Variants in NFIB observed in about 807,000 individuals in gnomAD.
NFIB encodes the protein nuclear factor I B, also known as nuclear factor 1 B-type.
Under a neutral mutation model 61.5 loss-of-function variants are expected in NFIB, and 11 were observed. The ratio of observed to expected loss-of-function variants is 0.18; its 90% CI spans 0.11 to 0.30. NFIB has a LOEUF of 0.30. NFIB is among the 10% of genes least tolerant of loss of function. The pLI, the probability that NFIB is intolerant of heterozygous loss-of-function variation, is 1.00. For synonymous variants in NFIB, 260 were observed against 216.5 expected (o/e 1.20, Z -1.76); for missense variants, 471 against 608.9 (o/e 0.77, Z 2.38).
At chr9:14,304,734 G>A (rs1451244630) in intron 2 of NFIB, among the ~76,000 whole-genome samples, 1 of 152,158 alleles carries the variant, frequency 6.6e-6, no homozygotes, top group Non-Finnish European at 1.5e-5. Flanking sequence ...GTACTTAGAA[G>A]ACAAATAAAA....
At chr9:14,341,255 T>G (rs1421676671) in intron 1 of NFIB, among the ~76,000 whole-genome samples, 1 of 152,062 alleles carries the variant, frequency 6.6e-6, no homozygotes, top group Non-Finnish European at 1.5e-5. Context: ...GAATTTAGAG[T>G]ACCCGTGCTT....
the NFIB span, among the ~76,000 whole-genome samples, chr9:14,427,948 T>TGTTTTTTG: frequency 9.6e-6 from 1 of 104,034 alleles, no homozygotes; most frequent in African/African-American, 3.7e-5. Context: ...TTTTTTTTTT[T>TGTTTTTTG]TTTTTTTTTT....
At chr9:14,519,249 G>A in the NFIB span, among the ~76,000 whole-genome samples, 1 of 152,150 alleles carries the variant, frequency 6.6e-6, no homozygotes, top group South Asian at 2.1e-4. Context: ...CTTGTATAAG[G>A]ATATTGAGTG....
At position 14,202,128 on chromosome 9, in the gene NFIB, TCACACA is replaced by T. The variant is rs3080833; in HGVS notation, c.563-22354_563-22349del. On this transcript the variant is annotated intron_variant, in intron 2 of 10. Coordinates refer to ENST00000380953, the MANE Select transcript of NFIB (RefSeq NM_001190737.2). ...ATTTTGAAGATAAAATTGATACTTT[TCACACA>T]CACACACACACACACACACACACAC... Among the ~76,000 whole-genome samples the T allele has an allele frequency of 4.7e-3, 696 of 147,172 alleles. 1 individual carries two copies. Among genetic ancestry groups the T allele is most frequent in the African/African-American group, 5.9e-3 (234 of 39,942 alleles).
intron 6 of NFIB, among the ~76,000 whole-genome samples, chr9:14,137,872 A>C (rs2041245254): frequency 6.6e-6 from 1 of 152,166 alleles, no homozygotes; most frequent in South Asian, 2.1e-4. Context: ...CAGAGCAAGG[A>C]CTACATGCAT....
chr9:14,152,554 T>C (rs1373538405), intron 4 of NFIB, among the ~76,000 whole-genome samples: 2 of 152,062 alleles, frequency 1.3e-5, no homozygotes, highest in Admixed American at 6.6e-5. Flanking sequence ...ACAGGAAACT[T>C]AGAGGTTCCA....
At chr9:14,119,636 G>A (rs1192022263) in intron 8 of NFIB, among the ~76,000 whole-genome samples, 2 of 152,146 alleles carry the variant, frequency 1.3e-5, no homozygotes, top group African/African-American at 4.8e-5. Context: ...AAGTGGACAG[G>A]AGTCTTAGAG....
chr9:14,205,104 C>T (rs2131664465), intron 2 of NFIB: 1 of 163,954 alleles, frequency 6.1e-6, no homozygotes, highest in East Asian at 1.7e-4. Flanking sequence ...CAAAAAACAT[C>T]TGAGGAATTA....
intron 1 of NFIB, among the ~76,000 whole-genome samples, chr9:14,389,162 A>G (rs931110812): frequency 1.3e-5 from 2 of 152,204 alleles, no homozygotes; most frequent in Non-Finnish European, 2.9e-5. Flanking sequence ...TGTGAACACA[A>G]TTGTGTGTAA....
At chr9:14,474,990 T>C in the NFIB span, among the ~76,000 whole-genome samples, 1 of 152,174 alleles carries the variant, frequency 6.6e-6, no homozygotes, top group Non-Finnish European at 1.5e-5. Context: ...TCAGTGAGGG[T>C]GATCTTCTTT....
At chr9:14,371,228 T>G (rs2061355270) in intron 1 of NFIB, among the ~76,000 whole-genome samples, 1 of 152,266 alleles carries the variant, frequency 6.6e-6, no homozygotes, top group African/African-American at 2.4e-5. Flanking sequence ...TCTCTGGAAC[T>G]TTTCATATCT....
the NFIB span, among the ~76,000 whole-genome samples, chr9:14,441,359 G>A: frequency 3.3e-5 from 5 of 152,178 alleles, no homozygotes; most frequent in Non-Finnish European, 5.9e-5. Flanking sequence ...GTGGGTCTGC[G>A]CCGATTTTAA....
At chr9:14,218,306 G>A (rs1469943544) in intron 2 of NFIB, among the ~76,000 whole-genome samples, 3 of 152,086 alleles carry the variant, frequency 2.0e-5, no homozygotes, top group Non-Finnish European at 4.4e-5. Context: ...ATACTCAAGA[G>A]TCTGACTCCA....
chr9:14,220,148 G>T (rs2051465525), intron 2 of NFIB, among the ~76,000 whole-genome samples: 1 of 152,166 alleles, frequency 6.6e-6, no homozygotes, highest in Non-Finnish European at 1.5e-5. Context: ...TGGAGAGAAA[G>T]CAAAATCAGG....
the NFIB span, among the ~76,000 whole-genome samples, chr9:14,491,987 A>G: frequency 6.6e-6 from 1 of 152,186 alleles, no homozygotes; most frequent in Non-Finnish European, 1.5e-5. Flanking sequence ...CATTTAAGTT[A>G]TTCTTCCCTG....
At chr9:14,208,594 A>G (rs1166795933) in intron 2 of NFIB, among the ~76,000 whole-genome samples, 3 of 151,170 alleles carry the variant, frequency 2.0e-5, no homozygotes, top group African/African-American at 7.3e-5. Context: ...GACTCTTCAC[A>G]AGTACTTTTG....
intron 2 of NFIB, among the ~76,000 whole-genome samples, chr9:14,188,677 C>T (rs148940057): frequency 1.7e-4 from 26 of 152,292 alleles, no homozygotes; most frequent in African/African-American, 5.8e-4. Flanking sequence ...AATTTGCCAA[C>T]GCAGTTTGCC....
chr9:14,183,736 A>G (rs930357706), intron 2 of NFIB, among the ~76,000 whole-genome samples: 4 of 152,018 alleles, frequency 2.6e-5, no homozygotes, highest in Non-Finnish European at 5.9e-5. Flanking sequence ...TGCAGTAGAG[A>G]AAAAGAGAGG....
the NFIB span, among the ~76,000 whole-genome samples, chr9:14,438,630 C>T: frequency 1.3e-5 from 2 of 152,012 alleles, no homozygotes; most frequent in Admixed American, 1.3e-4. Context: ...CTGAAGGCAC[C>T]ATTAGAAAAC....
Sources: gnomAD v4.1 joint callset for allele counts (sites outside exome capture counted in the v4.1 genomes callset) on GRCh38, gnomAD v4.1.1 for gene constraint, MANE v1.5 for transcripts, NCBI Gene and HGNC (gene_info 2026-07-23, HGNC 2026-07-21) for gene names.